The following PRSS23 variants were observed in gnomAD, a reference collection of about 807,000 sequenced individuals.
PRSS23 encodes serine protease 23, also known as protease, serine 23.
A neutral mutation model predicts 34.7 loss-of-function variants in PRSS23; 25 were observed. The ratio of observed to expected loss-of-function variants is 0.72; its 90% CI spans 0.53 to 1.01. PRSS23 has a LOEUF of 1.01. Ranked by LOEUF, PRSS23 falls within the 50% of genes least tolerant of loss-of-function variation. The pLI is 0.00. For synonymous variants in PRSS23, 176 were observed against 186.6 expected, an observed-to-expected ratio of 0.94 and a Z score of 0.46; for missense variants, 445 against 475.6, an observed-to-expected ratio of 0.94 and a Z score of 0.60.
rs1028468987 is a variant in PRSS23 at position 86,871,079 on chromosome 11, T to A, written c.206+47486T>A. Among the ~76,000 whole-genome samples, 4 of 152,200 alleles carry A rather than the reference T, an allele frequency of 2.6e-5. No homozygotes were observed. In the East Asian group the frequency reaches 7.7e-4, roughly 29 times the overall value. On this transcript the variant is annotated intron_variant, in intron 2 of 2. Coordinates refer to the PRSS23 transcript ENST00000533902. ...ATTTTTTATTATACACTGGACCAGC[T>A]GAATTGGAGCGCTTAGACTATATTT...
chr11:86,810,647 T>TA lies in PRSS23; in HGVS notation c.*1859dup, dbSNP rs982755496. 4.2e-5 allele frequency: 7 copies of TA among 166,942 alleles called. No homozygotes were observed. The highest frequency in any genetic ancestry group is 1.2e-4 in the African/African-American group (5 of 41,412). 10.3% of individuals were successfully genotyped at this position (166,942 alleles called of 1,614,324 possible). On this transcript the variant is annotated 3_prime_UTR_variant, in exon 2 of 2. Coordinates refer to ENST00000280258, the MANE Select transcript of PRSS23 (RefSeq NM_007173.6). The stretch of plus-strand genomic sequence containing the variant: ...ACACCAAGACCAGAATGGATTTTTT[T>TA]AAAAAAATAGATGTTCCTTTTGTGA...
intron 1 of PRSS23, chr11:86,821,200 G>A: frequency 1.6e-6 from 1 of 621,808 alleles, no homozygotes; most frequent in East Asian, 5.8e-5. Context: ...TTGGTACAAT[G>A]AGGTTATCCC....
intron 2 of PRSS23, among the ~76,000 whole-genome samples, chr11:86,928,707 T>TATATATATATATATA (rs59624601): frequency 0.028 from 1,837 of 65,738 alleles, 185 homozygotes; most frequent in African/African-American, 0.042. Context: ...AAAAAAAAAA[T>TATATATATATATATA]TGGCAAGACA....
chr11:86,802,588 C>T (rs1280303801), intron 1 of PRSS23, among the ~76,000 whole-genome samples: 1 of 152,200 alleles, frequency 6.6e-6, no homozygotes, highest in Non-Finnish European at 1.5e-5. Context: ...GTGTCCAAAA[C>T]CTGTATCTTT....
chr11:86,936,998 G>A (rs138940314), intron 2 of PRSS23: 4 of 152,268 alleles, frequency 2.6e-5, no homozygotes, highest in East Asian at 3.9e-4. Flanking sequence ...TAGGATGCAA[G>A]CCTCTTTTGA....
rs555375819 is a variant in PRSS23, at chr11:86,828,092, A to G, written c.206+4499A>G. 1.7e-4 allele frequency among the ~76,000 whole-genome samples: 26 copies of G among 152,122 alleles called. No homozygotes were observed. In the South Asian group the frequency reaches 3.1e-3, roughly 18 times the overall value. On this transcript the variant is annotated intron_variant, in intron 2 of 2. Transcript: ENST00000533902. ...TTGATCTGTCTAATGTTGACAGTGG[A>G]GTGTTAAAGTCTCCCATTATTATTG...
At position 86,900,084 on chromosome 11, in the gene PRSS23, T is replaced by A. The variant is rs146031321; in HGVS notation, c.207-51132T>A. Among the ~76,000 whole-genome samples the A allele has an allele frequency of 3.1e-3, 467 of 152,374 alleles. 5 individuals are homozygous for A. Among genetic ancestry groups the A allele is most frequent in the African/African-American group, 9.8e-3 (407 of 41,584 alleles). On this transcript the variant is annotated intron_variant, in intron 2 of 2. Coordinates refer to the PRSS23 transcript ENST00000533902. The stretch of plus-strand genomic sequence containing the variant: ...GCCTCTTTGAAAATAGAGATGTTTC[T>A]GAGTCAATGGACCTGAAGGACATGT...
At chr11:86,917,005 T>C (rs1251558178) in intron 2 of PRSS23, among the ~76,000 whole-genome samples, 1 of 152,220 alleles carries the variant, frequency 6.6e-6, no homozygotes, top group Non-Finnish European at 1.5e-5. Flanking sequence ...GCTTTTTAAA[T>C]GTGCCATCCA....
downstream of PRSS23, among the ~76,000 whole-genome samples, chr11:86,812,787 CAAAA>C (rs35855610): frequency 7.2e-5 from 6 of 83,904 alleles, no homozygotes; most frequent in South Asian, 8.6e-4. Context: ...GACTCTGTCT[CAAAA>C]AAAAAAAAAA....
At chr11:86,924,435 A>C (rs1337787007) in intron 2 of PRSS23, among the ~76,000 whole-genome samples, 2 of 152,224 alleles carry the variant, frequency 1.3e-5, no homozygotes, top group Non-Finnish European at 2.9e-5. Flanking sequence ...AACTCTGTTA[A>C]ATTTTGGAGA....
At chr11:86,799,448 C>CTT (rs1287570916), upstream of PRSS23, among the ~76,000 whole-genome samples, 4 of 152,168 alleles carry the variant, frequency 2.6e-5, no homozygotes, top group African/African-American at 9.7e-5. Flanking sequence ...AGTGCAAAAT[C>CTT]TTGTCCTACC....
intron 2 of PRSS23, among the ~76,000 whole-genome samples, chr11:86,913,142 C>T (rs1465818463): frequency 6.6e-6 from 1 of 152,046 alleles, no homozygotes; most frequent in Non-Finnish European, 1.5e-5. Context: ...CTTGGATCCT[C>T]CTGCCCTTGA....
At chr11:86,918,605 C>G (rs1462608381) in intron 2 of PRSS23, among the ~76,000 whole-genome samples, 1 of 152,200 alleles carries the variant, frequency 6.6e-6, no homozygotes, top group Non-Finnish European at 1.5e-5. Flanking sequence ...ATATTATTGT[C>G]TGTCTCTCCC....
intron 2 of PRSS23, among the ~76,000 whole-genome samples, chr11:86,928,817 A>C (rs1227631310): frequency 6.6e-6 from 1 of 150,918 alleles, no homozygotes; most frequent in Non-Finnish European, 1.5e-5. Flanking sequence ...ATACTAAGTA[A>C]ATCAAAATAA....
intron 2 of PRSS23, among the ~76,000 whole-genome samples, chr11:86,828,318 C>G (rs904321069): frequency 2.6e-5 from 4 of 151,746 alleles, no homozygotes; most frequent in African/African-American, 9.7e-5. Flanking sequence ...GATTGCAACC[C>G]CTGCCTTTTT....
intron 2 of PRSS23, among the ~76,000 whole-genome samples, chr11:86,861,087 A>T (rs1387689053): frequency 1.3e-5 from 2 of 151,842 alleles, no homozygotes; most frequent in Non-Finnish European, 2.9e-5. Context: ...GAAAGATAAT[A>T]TTACTCGAAA....
upstream of PRSS23, among the ~76,000 whole-genome samples, chr11:86,796,628 G>A (rs1428620372): frequency 2.5e-5 from 3 of 118,898 alleles, no homozygotes; most frequent in East Asian, 2.3e-4. Context: ...GCGACAGAGC[G>A]AGACTCCGTC....
At chr11:86,865,241 C>A (rs931314783) in intron 2 of PRSS23, among the ~76,000 whole-genome samples, 12 of 152,222 alleles carry the variant, frequency 7.9e-5, no homozygotes, top group African/African-American at 2.9e-4. Context: ...GTTGAGGTTT[C>A]AATTCCCAGT....
chr11:86,943,416 G>A (rs1039102155), intron 2 of PRSS23, among the ~76,000 whole-genome samples: 2 of 152,164 alleles, frequency 1.3e-5, no homozygotes, highest in Non-Finnish European at 2.9e-5. Flanking sequence ...CCTGAGGTCA[G>A]GAGTTCAAGA....
Sources: gnomAD v4.1 joint callset for allele counts (sites outside exome capture counted in the v4.1 genomes callset) on GRCh38, gnomAD v4.1.1 for gene constraint, MANE v1.5 for transcripts, NCBI Gene and HGNC (gene_info 2026-07-23, HGNC 2026-07-21) for gene names.